RGS8: variants seen among roughly 807,000 people sequenced by gnomAD.
RGS8 encodes the protein regulator of G-protein signaling 8.
In RGS8, 8 loss-of-function variants were observed where a neutral mutation model predicts 21.7. That is an observed-to-expected ratio of 0.37 (90% CI 0.22 to 0.66). The LOEUF (loss-of-function observed/expected upper bound fraction) is 0.66. Ranked by LOEUF, RGS8 falls within the 30% of genes least tolerant of loss-of-function variation. The pLI is 0.59. For missense variants in RGS8, 157 were observed against 217.9 expected (o/e 0.72, Z 1.76); for synonymous variants, 80 against 83.6 (o/e 0.96, Z 0.24).
chr1:182,747,433 G>A, the RGS8 span, among the ~76,000 whole-genome samples: 1 of 152,150 alleles, frequency 6.6e-6, no homozygotes, highest in Admixed American at 6.5e-5. Flanking sequence ...CAGTGGTTAA[G>A]GAGTGCTGTA....
chr1:182,644,895 A>T (rs1463661110), downstream of RGS8: 2 of 152,162 alleles, frequency 1.3e-5, no homozygotes, highest in Non-Finnish European at 2.9e-5. Flanking sequence ...TCTCAAACAC[A>T]AAATTCCACA....
chr1:182,732,351 G>A, the RGS8 span, among the ~76,000 whole-genome samples: 1 of 150,876 alleles, frequency 6.6e-6, no homozygotes, highest in Non-Finnish European at 1.5e-5. Context: ...TCCTTTTCTA[G>A]GCTGCTACAT....
chr1:182,689,689 A>T, the RGS8 span, among the ~76,000 whole-genome samples: 1 of 152,210 alleles, frequency 6.6e-6, no homozygotes, highest in African/African-American at 2.4e-5. Flanking sequence ...GAATGGATGG[A>T]TATGGATATA....
Position 182,684,414 on chromosome 1 carries a change from G to GGC in RGS8, n.162_163insGC, listed in dbSNP as rs1664642788. On this transcript the variant is annotated non_coding_transcript_exon_variant, in exon 1 of 5. Transcript: ENST00000515211. This position sits in a 1 kb window ranked among gnomAD's most constrained non-coding sequence, Gnocchi z 4.2. ...CTGGTGCGGGCCCCAGCTGGGCATG[G>GGC]TTCGGTGAGGCCCTGAGTGATAGAG... 1 of 152,422 alleles carries GGC rather than the reference G, an allele frequency of 6.6e-6. No individual in the cohort carries two copies. The highest frequency in any genetic ancestry group is 2.4e-5 in the African/African-American group (1 of 41,458). 9.4% of individuals were successfully genotyped at this position (152,422 alleles called of 1,614,324 possible).
At chr1:182,732,713 G>A in the RGS8 span, among the ~76,000 whole-genome samples, 1 of 152,270 alleles carries the variant, frequency 6.6e-6, no homozygotes, top group South Asian at 2.1e-4. Context: ...TATTATGTTG[G>A]TACTGATTGA....
upstream of RGS8, among the ~76,000 whole-genome samples, chr1:182,675,462 C>T (rs141429697): frequency 1.3e-5 from 2 of 152,306 alleles, no homozygotes; most frequent in Non-Finnish European, 2.9e-5. Flanking sequence ...GCACACTACA[C>T]TACCACCAGA....
the RGS8 span, among the ~76,000 whole-genome samples, chr1:182,744,549 A>G: frequency 6.6e-6 from 1 of 152,228 alleles, no homozygotes; most frequent in African/African-American, 2.4e-5. Context: ...CCTATTGCCT[A>G]GTGACATAGC....
At chr1:182,699,896 T>G in the RGS8 span, among the ~76,000 whole-genome samples, 1 of 152,112 alleles carries the variant, frequency 6.6e-6, no homozygotes, top group African/African-American at 2.4e-5. Flanking sequence ...GCTTGATTAA[T>G]GACATATGAG....
At chr1:182,739,188 C>T in the RGS8 span, among the ~76,000 whole-genome samples, 27 of 152,202 alleles carry the variant, frequency 1.8e-4, no homozygotes, top group Non-Finnish European at 3.8e-4. Flanking sequence ...ATGCTGGATA[C>T]AGTCAGCTGC....
chr1:182,749,511 GA>G, the RGS8 span, among the ~76,000 whole-genome samples: 1 of 152,230 alleles, frequency 6.6e-6, no homozygotes, highest in Non-Finnish European at 1.5e-5. Flanking sequence ...AGTATACTTT[GA>G]AATCAGGTAG....
the RGS8 span, among the ~76,000 whole-genome samples, chr1:182,706,179 T>C: frequency 6.6e-6 from 1 of 151,992 alleles, no homozygotes; most frequent in Non-Finnish European, 1.5e-5. Context: ...GAGATGGGTT[T>C]TCACCATGTT....
intron 2 of RGS8, among the ~76,000 whole-genome samples, chr1:182,670,768 G>GA (rs929449057): frequency 1.3e-5 from 2 of 151,426 alleles, no homozygotes; most frequent in Non-Finnish European, 2.9e-5. Context: ...GTTAAAACTA[G>GA]AAAAAAAAAT....
At chr1:182,646,978 G>C (rs1662732879) in intron 6 of RGS8, 61 bp from the exon 8 acceptor site, 2 of 1,391,234 alleles carry the variant, frequency 1.4e-6, no homozygotes, top group Admixed American at 2.2e-5. Flanking sequence ...TCTGGCAGCT[G>C]GCCCTAACTA....
In RGS8 at chr1:182,646,942, G is replaced by A. The variant is rs1256339610; in HGVS notation, c.361-25C>T. On this transcript the variant is annotated intron_variant, in intron 6 of 6. Transcript: ENST00000483095. ...CCTAGAGATACAAACAGAGAGCAAG[G>A]TCACAGGCCCTCAAGGGCCAAGGTT... The A allele has an allele frequency of 1.9e-6, 3 of 1,596,520 alleles. No individual in the cohort carries two copies. The Admixed American group carries it at 5.3e-5, about 28-fold the overall frequency.
chr1:182,714,953 C>T, the RGS8 span, among the ~76,000 whole-genome samples: 9 of 152,144 alleles, frequency 5.9e-5, no homozygotes, highest in Middle Eastern at 3.2e-3. Flanking sequence ...GTTACCCCTA[C>T]GCCATCAATA....
At chr1:182,748,249 C>T in the RGS8 span, among the ~76,000 whole-genome samples, 2 of 152,180 alleles carry the variant, frequency 1.3e-5, no homozygotes, top group Admixed American at 6.5e-5. Flanking sequence ...CTTTGACCAA[C>T]ATCTTCCCAT....
At chr1:182,730,266 C>G in the RGS8 span, among the ~76,000 whole-genome samples, 1 of 152,196 alleles carries the variant, frequency 6.6e-6, no homozygotes, top group Admixed American at 6.5e-5. Context: ...CATTATCTCT[C>G]CTAGGGAGAT....
chr1:182,671,048 T>C (rs1056096884), intron 2 of RGS8, among the ~76,000 whole-genome samples: 1 of 152,144 alleles, frequency 6.6e-6, no homozygotes, highest in Non-Finnish European at 1.5e-5. Context: ...CCCACCTACA[T>C]TGCAGGCAAG....
intron 1 of RGS8, among the ~76,000 whole-genome samples, chr1:182,679,842 A>G (rs753947076): frequency 7.9e-5 from 12 of 151,766 alleles, no homozygotes; most frequent in Non-Finnish European, 1.5e-4. Flanking sequence ...CCCCCTACAC[A>G]CACATATAAA....
Sources: gnomAD v4.1 joint callset for allele counts (sites outside exome capture counted in the v4.1 genomes callset) on GRCh38, gnomAD v4.1.1 for gene constraint, Gnocchi (gnomAD v3.1) non-coding constraint, MANE v1.5 for transcripts, NCBI Gene and HGNC (gene_info 2026-07-23, HGNC 2026-07-21) for gene names.